Variants in NALF1 observed in about 807,000 individuals in gnomAD.
The protein encoded by NALF1 is family with sequence similarity 155 member A.
Under a neutral mutation model 48.4 loss-of-function variants are expected in NALF1, and 3 were observed. The observed-to-expected ratio is 0.06, with a 90% CI of 0.03 to 0.16. The LOEUF (loss-of-function observed/expected upper bound fraction) is 0.16, where lower values mean the gene tolerates loss of function less well. Among genes scored for constraint, NALF1 ranks in the 10% least tolerant of loss-of-function variants. The pLI is 1.00. For synonymous variants in NALF1, 262 were observed against 245.7 expected, an observed-to-expected ratio of 1.07 and a Z score of -0.62; for missense variants, 526 against 571.5, an observed-to-expected ratio of 0.92 and a Z score of 0.81.
chr13:107,589,861 T>C (rs1878555912), intron 1 of NALF1, among the ~76,000 whole-genome samples: 1 of 133,920 alleles, frequency 7.5e-6, no homozygotes, highest in African/African-American at 3.0e-5. Flanking sequence ...TAATAACATA[T>C]CAGGCAGGAT....
rs10710356 is a variant in NALF1 at position 107,403,188 on chromosome 13, CTTTTTTTTTTTTTT to C, written c.916-192447_916-192434del. 1.2e-3 allele frequency among the ~76,000 whole-genome samples: 49 copies of C among 42,490 alleles called. 1 individual carries two copies. In the South Asian group the frequency reaches 0.039, roughly 34 times the overall value. 27.9% of individuals were successfully genotyped at this position (42,490 alleles called of 152,430 possible). A position where few individuals can be genotyped will look rare whatever the true frequency, so the allele number is the denominator to read the frequency against. ...TTCTGCTTGGTTTCTCTTGTTCGGG[CTTTTTTTTTTTTTT>C]TTTTTTTTTTTTTTTTATCATTTTC... On this transcript the variant is annotated intron_variant, in intron 1 of 2. Coordinates refer to ENST00000375915, the MANE Select transcript of NALF1 (RefSeq NM_001080396.3).
intron 1 of NALF1, among the ~76,000 whole-genome samples, chr13:107,365,359 G>A (rs906032641): frequency 2.0e-5 from 3 of 151,954 alleles, no homozygotes; most frequent in East Asian, 1.9e-4. Flanking sequence ...ATTTCTCTCC[G>A]AAGTTCAGTT....
intron 1 of NALF1, among the ~76,000 whole-genome samples, chr13:107,407,907 AC>A (rs1482888759): frequency 6.6e-6 from 1 of 152,144 alleles, no homozygotes; most frequent in Non-Finnish European, 1.5e-5. Flanking sequence ...TCAATGGAGT[AC>A]TATTCCTCCA....
intron 2 of NALF1, among the ~76,000 whole-genome samples, chr13:107,209,357 A>G (rs1471140741): frequency 1.3e-5 from 2 of 152,070 alleles, no homozygotes; most frequent in Admixed American, 6.6e-5. Flanking sequence ...AAATACAAAA[A>G]TTAGCCAGGT....
chr13:107,683,158 G>T (rs1345332753), intron 1 of NALF1, among the ~76,000 whole-genome samples: 2 of 152,096 alleles, frequency 1.3e-5, no homozygotes, highest in Admixed American at 6.5e-5. Flanking sequence ...AGCAGTGGGA[G>T]GATTGCTTGA....
intron 1 of NALF1, among the ~76,000 whole-genome samples, chr13:107,221,353 G>A (rs770409947): frequency 7.2e-5 from 11 of 152,144 alleles, no homozygotes; most frequent in Non-Finnish European, 1.2e-4. Context: ...CGAGGTGGGT[G>A]GAGCACCTGA....
intron 1 of NALF1, among the ~76,000 whole-genome samples, chr13:107,498,184 G>A (rs1165592245): frequency 6.6e-6 from 1 of 152,158 alleles, no homozygotes; most frequent in Non-Finnish European, 1.5e-5. Flanking sequence ...TACATCTGGT[G>A]ATGAATGTAT....
chr13:107,485,373 C>G (rs1281677231), intron 1 of NALF1, among the ~76,000 whole-genome samples: 1 of 152,148 alleles, frequency 6.6e-6, no homozygotes, highest in African/African-American at 2.4e-5. Context: ...TGTTTCCCAG[C>G]ATTCTAAAGT....
chr13:107,558,024 C>T (rs1305843912), intron 1 of NALF1, among the ~76,000 whole-genome samples: 1 of 151,878 alleles, frequency 6.6e-6, no homozygotes, highest in Non-Finnish European at 1.5e-5. Context: ...AGAGACTGAG[C>T]ACAGGAAACA....
At chr13:107,411,001 C>A (rs1226658827) in intron 1 of NALF1, among the ~76,000 whole-genome samples, 2 of 152,138 alleles carry the variant, frequency 1.3e-5, no homozygotes, top group Non-Finnish European at 2.9e-5. Flanking sequence ...AGTCGACAAA[C>A]TAGCAATGGA....
intron 1 of NALF1, among the ~76,000 whole-genome samples, chr13:107,216,451 G>A (rs539728147): frequency 1.3e-5 from 2 of 152,212 alleles, no homozygotes; most frequent in Admixed American, 1.3e-4. Flanking sequence ...AGGCTGAGCT[G>A]AGTCTGTGAA....
At chr13:107,717,257 G>C (rs1875849730) in intron 1 of NALF1, among the ~76,000 whole-genome samples, 1 of 152,182 alleles carries the variant, frequency 6.6e-6, no homozygotes, top group South Asian at 2.1e-4. Context: ...AGTCTGTCTA[G>C]CATCAATCCA....
intron 2 of NALF1, among the ~76,000 whole-genome samples, chr13:107,172,199 A>G (rs996022949): frequency 3.3e-4 from 50 of 152,212 alleles, no homozygotes; most frequent in African/African-American, 1.2e-3. Context: ...AACTCCCTGT[A>G]TGAAGCTTGT....
intron 2 of NALF1, among the ~76,000 whole-genome samples, chr13:107,195,092 A>G (rs1212481984): frequency 1.3e-5 from 2 of 152,196 alleles, no homozygotes; most frequent in Admixed American, 6.5e-5. Flanking sequence ...GACGTGTTGA[A>G]CAGCAAACAC....
intron 1 of NALF1, among the ~76,000 whole-genome samples, chr13:107,496,735 C>T (rs1323772592): frequency 6.6e-6 from 1 of 151,148 alleles, no homozygotes; most frequent in Non-Finnish European, 1.5e-5. Flanking sequence ...CTGGGGAAGC[C>T]TCAAAATCAT....
At chr13:107,499,513 G>C (rs1875446847) in intron 1 of NALF1, among the ~76,000 whole-genome samples, 2 of 152,046 alleles carry the variant, frequency 1.3e-5, no homozygotes, top group South Asian at 4.2e-4. Flanking sequence ...AGGCCATATT[G>C]AAGTCTTTTG....
At chr13:107,583,043 A>G (rs1158849014) in intron 1 of NALF1, among the ~76,000 whole-genome samples, 1 of 152,146 alleles carries the variant, frequency 6.6e-6, no homozygotes, top group Non-Finnish European at 1.5e-5. Context: ...AGCAATGCAT[A>G]TAGGAGTAGG....
At chr13:107,633,567 C>T (rs1195463525) in intron 1 of NALF1, among the ~76,000 whole-genome samples, 2 of 151,806 alleles carry the variant, frequency 1.3e-5, no homozygotes, top group Non-Finnish European at 2.9e-5. Context: ...TTTGTGATAT[C>T]GTACATCCTG....
chr13:107,519,334 G>A (rs980026734), intron 1 of NALF1, among the ~76,000 whole-genome samples: 6 of 150,108 alleles, frequency 4.0e-5, no homozygotes, highest in Middle Eastern at 6.8e-3. Context: ...GAATTCTTAC[G>A]TTATACTGTA....
Sources: gnomAD v4.1 joint callset for allele counts (sites outside exome capture counted in the v4.1 genomes callset) on GRCh38, gnomAD v4.1.1 for gene constraint, MANE v1.5 for transcripts, NCBI Gene and HGNC (gene_info 2026-07-23, HGNC 2026-07-21) for gene names.